Variants in DPP10 observed in about 807,000 individuals in gnomAD.
The protein encoded by DPP10 is inactive dipeptidyl peptidase 10.
Under a neutral mutation model 120.9 loss-of-function variants are expected in DPP10, and 33 were observed. The ratio of observed to expected loss-of-function variants is 0.27; its 90% CI spans 0.21 to 0.37. The LOEUF is 0.37. Ranked by LOEUF, DPP10 falls within the 10% of genes least tolerant of loss-of-function variation. The probability of loss-of-function intolerance (pLI) is 1.00; values close to 1 mark genes in which losing one functional copy is unlikely to be tolerated. For synonymous variants in DPP10, 337 were observed against 326.1 expected (o/e 1.03, Z -0.36); for missense variants, 816 against 942.8 (o/e 0.87, Z 1.76).
intron 3 of DPP10, among the ~76,000 whole-genome samples, chr2:115,379,644 C>T (rs369109944): frequency 2.8e-4 from 43 of 151,966 alleles, no homozygotes; most frequent in Admixed American, 1.1e-3. Flanking sequence ...ATTGTGATGT[C>T]AGGGTGTCAA....
chr2:115,560,821 C>T (rs1454138180), intron 5 of DPP10, among the ~76,000 whole-genome samples: 7 of 152,066 alleles, frequency 4.6e-5, no homozygotes, highest in Admixed American at 2.6e-4. Flanking sequence ...TTAACTCTTC[C>T]GTACGAAAGT....
intron 1 of DPP10, among the ~76,000 whole-genome samples, chr2:115,257,593 C>T (rs1295196967): frequency 6.6e-6 from 1 of 152,154 alleles, no homozygotes; most frequent in South Asian, 2.1e-4. Flanking sequence ...ACCCACCAGG[C>T]CCCATCTTCA....
chr2:114,853,597 C>T (rs950936238), intron 1 of DPP10, among the ~76,000 whole-genome samples: 1 of 152,156 alleles, frequency 6.6e-6, no homozygotes, highest in Non-Finnish European at 1.5e-5. Context: ...TTTACCTCTA[C>T]TTAAGTGGGG....
chr2:114,868,131 C>T (rs2106553836), intron 1 of DPP10, among the ~76,000 whole-genome samples: 1 of 152,244 alleles, frequency 6.6e-6, no homozygotes, highest in African/African-American at 2.4e-5. Context: ...ACAGGTGCAT[C>T]ATTATGATTT....
At chr2:115,332,059 T>C (rs1429980143) in intron 2 of DPP10, among the ~76,000 whole-genome samples, 1 of 152,060 alleles carries the variant, frequency 6.6e-6, no homozygotes, top group Non-Finnish European at 1.5e-5. Flanking sequence ...GGTCCTGGAC[T>C]TTTTTTGGTT....
chr2:114,876,331 G>A (rs140315905), intron 1 of DPP10, among the ~76,000 whole-genome samples: 1 of 151,992 alleles, frequency 6.6e-6, no homozygotes, highest in Non-Finnish European at 1.5e-5. Flanking sequence ...TGTTCTATTC[G>A]GTGGACTTCC....
rs1248737071 is a variant in DPP10, at chr2:115,197,961, AT to A, written c.61-111276del. On this transcript the variant is annotated intron_variant, in intron 1 of 25. Coordinates refer to ENST00000410059, the MANE Select transcript of DPP10 (RefSeq NM_020868.6). The stretch of plus-strand genomic sequence containing the variant: ...TGTATCTCTGGACGTGATAAATGCT[AT>A]TATATCACTGTGATTTGTAATAGCA... Among the ~76,000 whole-genome samples the A allele has an allele frequency of 3.3e-5, 5 of 152,318 alleles. No individual in the cohort carries two copies. The East Asian group carries it at 9.6e-4, about 29-fold the overall frequency.
chr2:115,221,235 T>C (rs1439766768), intron 1 of DPP10, among the ~76,000 whole-genome samples: 1 of 152,162 alleles, frequency 6.6e-6, no homozygotes, highest in African/African-American at 2.4e-5. Context: ...CTCATATTCA[T>C]GCATAGATGT....
At chr2:114,750,987 C>T (rs767829339) in intron 1 of DPP10, among the ~76,000 whole-genome samples, 10 of 152,144 alleles carry the variant, frequency 6.6e-5, no homozygotes, top group Admixed American at 5.2e-4. Flanking sequence ...GATTGCTTTG[C>T]GGGTATACAG....
chr2:114,763,736 G>A (rs1434304227), intron 1 of DPP10, among the ~76,000 whole-genome samples: 1 of 152,200 alleles, frequency 6.6e-6, no homozygotes, highest in Non-Finnish European at 1.5e-5. Context: ...TTAGAATGGG[G>A]GAGGGAGAAT....
rs184797956 is a variant in DPP10 at position 115,723,329 on chromosome 2, T to G, written c.577-4487T>G. 1.5e-3 allele frequency among the ~76,000 whole-genome samples: 227 copies of G among 152,302 alleles called. 1 individual carries two copies. Among genetic ancestry groups the G allele is most frequent in the South Asian group, 3.1e-3 (15 of 4,826 alleles). Reference sequence around the variant, plus strand: ...CCGTCGAATTCTTTGTTGTTTTTGCTTTTCTTTGGTTTTCTCTCTTGCTTT... The same window carrying G: ...CCGTCGAATTCTTTGTTGTTTTTGCGTTTCTTTGGTTTTCTCTCTTGCTTT... On this transcript the variant is annotated intron_variant, in intron 7 of 25. Transcript: ENST00000410059.
intron 1 of DPP10, among the ~76,000 whole-genome samples, chr2:114,584,163 C>T (rs1462567470): frequency 2.0e-5 from 3 of 152,076 alleles, no homozygotes; most frequent in African/African-American, 7.2e-5. Context: ...TACCCTTTTG[C>T]GTGTTACTTT....
chr2:114,974,710 A>G (rs1465206021), intron 1 of DPP10, among the ~76,000 whole-genome samples: 3 of 151,712 alleles, frequency 2.0e-5, no homozygotes, highest in African/African-American at 7.3e-5. Flanking sequence ...CCCAGCCGGG[A>G]TATAAGCTAG....
intron 4 of DPP10, among the ~76,000 whole-genome samples, chr2:115,525,628 A>C (rs2148896242): frequency 6.6e-6 from 1 of 152,166 alleles, no homozygotes; most frequent in East Asian, 1.9e-4. Flanking sequence ...CTTTTTAAAT[A>C]ATAAAAATAT....
At chr2:115,562,889 G>C (rs552534172) in intron 5 of DPP10, among the ~76,000 whole-genome samples, 7 of 152,172 alleles carry the variant, frequency 4.6e-5, no homozygotes, top group African/African-American at 1.7e-4. Context: ...CATTGGTACT[G>C]GGTGATCACA....
chr2:114,894,814 G>T (rs1484784302), intron 1 of DPP10, among the ~76,000 whole-genome samples: 1 of 151,886 alleles, frequency 6.6e-6, no homozygotes, highest in Non-Finnish European at 1.5e-5. Context: ...ACTTGAATTA[G>T]CCTCTGTAAA....
At chr2:114,782,069 A>G (rs1178758756) in intron 1 of DPP10, among the ~76,000 whole-genome samples, 2 of 152,116 alleles carry the variant, frequency 1.3e-5, no homozygotes, top group Non-Finnish European at 2.9e-5. Context: ...AATGGAAGAA[A>G]TTAAAGAATC....
intron 3 of DPP10, among the ~76,000 whole-genome samples, chr2:115,354,780 T>TC (rs2106322734): frequency 6.6e-6 from 1 of 152,184 alleles, no homozygotes; most frequent in Admixed American, 6.5e-5. Context: ...AACTCCCACT[T>TC]ATGAGTGAGA....
At chr2:114,891,883 T>A (rs1692570544) in intron 1 of DPP10, among the ~76,000 whole-genome samples, 1 of 152,192 alleles carries the variant, frequency 6.6e-6, no homozygotes. Context: ...ATATTTGAAA[T>A]GATGATTTAT....
Sources: gnomAD v4.1 joint callset for allele counts (sites outside exome capture counted in the v4.1 genomes callset) on GRCh38, gnomAD v4.1.1 for gene constraint, MANE v1.5 for transcripts, NCBI Gene and HGNC (gene_info 2026-07-23, HGNC 2026-07-21) for gene names.